SLC9A1: variants seen among roughly 807,000 people sequenced by gnomAD.
SLC9A1 encodes solute carrier family 9 member A1.
A neutral mutation model predicts 67.9 loss-of-function variants in SLC9A1; 22 were observed. That is an observed-to-expected ratio of 0.32 (90% CI 0.23 to 0.46). The LOEUF (loss-of-function observed/expected upper bound fraction) is 0.46, where lower values mean the gene tolerates loss of function less well. Among genes scored for constraint, SLC9A1 ranks in the 20% least tolerant of loss-of-function variants. The probability of loss-of-function intolerance (pLI) is 1.00; values close to 1 mark genes in which losing one functional copy is unlikely to be tolerated. For synonymous variants in SLC9A1, 421 were observed against 471.8 expected, an observed-to-expected ratio of 0.89 and a Z score of 1.40; for missense variants, 686 against 1,094.8, an observed-to-expected ratio of 0.63 and a Z score of 5.27.
At chr1:27,110,130 GATA>G (rs1333820119) in intron 2 of SLC9A1, among the ~76,000 whole-genome samples, 6 of 152,156 alleles carry the variant, frequency 3.9e-5, no homozygotes, top group Non-Finnish European at 8.8e-5. Flanking sequence ...ATAAAATGAG[GATA>G]ATAATACCAA....
Position 27,101,295 on chromosome 1 carries a change from G to A in SLC9A1, c.2038-20C>T, listed in dbSNP as rs778795073. On this transcript the variant is annotated intron_variant, in intron 10 of 11. Coordinates refer to ENST00000263980, the MANE Select transcript of SLC9A1 (RefSeq NM_003047.5). This position sits in a 1 kb window ranked among gnomAD's most constrained non-coding sequence, Gnocchi z 4.9. ...GTTGATCTGACAGAGAGGACAGACG[G>A]GGTGAGCACAGGCAGCTGGGCAGAG... 76 of 1,606,044 alleles carry A rather than the reference G, an allele frequency of 4.7e-5. No homozygotes were observed. In the Admixed American group the frequency reaches 1.0e-3, roughly 21 times the overall value.
At chr1:27,132,555 C>G (rs147650727) in intron 1 of SLC9A1, among the ~76,000 whole-genome samples, 2 of 152,256 alleles carry the variant, frequency 1.3e-5, no homozygotes, top group East Asian at 3.9e-4. Flanking sequence ...GATGCCTCTC[C>G]CCTCCTCACA....
rs1570857284 is a variant in SLC9A1, at chr1:27,114,957, A to G, written c.353-671T>C. Among the ~76,000 whole-genome samples the G allele has an allele frequency of 6.6e-6, 1 of 152,202 alleles. No homozygotes were observed. Among genetic ancestry groups the G allele is most frequent in the African/African-American group, 2.4e-5 (1 of 41,452 alleles). ...CAGGCAGCTGCTCAAGACACGGCTC[A>G]AGGATGTCAGTGGCAACCAGCTTTG... On this transcript the variant is annotated intron_variant, in intron 1 of 11. Coordinates refer to ENST00000263980, the MANE Select transcript of SLC9A1 (RefSeq NM_003047.5). This position sits in a 1 kb window ranked among gnomAD's most constrained non-coding sequence, Gnocchi z 5.4.
chr1:27,128,298 T>C (rs1414498472), intron 1 of SLC9A1, among the ~76,000 whole-genome samples: 1 of 152,176 alleles, frequency 6.6e-6, no homozygotes, highest in Admixed American at 6.5e-5. Context: ...AGAATGTCTA[T>C]GGCACAGCGT....
rs2083510590 is a variant in SLC9A1 at position 27,149,217 on chromosome 1, G to A, written c.352+4766C>T. The stretch of plus-strand genomic sequence containing the variant: ...GTGAGCTGGGCGCTTCTCAGTGCAG[G>A]GCCATGTGCATCTGCTGCGGGAATG... On this transcript the variant is annotated intron_variant, in intron 1 of 11. Coordinates refer to ENST00000263980, the MANE Select transcript of SLC9A1 (RefSeq NM_003047.5). 2.6e-5 allele frequency among the ~76,000 whole-genome samples: 4 copies of A among 151,952 alleles called. No individual in the cohort carries two copies. The South Asian group carries it at 8.3e-4, about 32-fold the overall frequency.
chr1:27,132,911 C>G (rs1340062943), intron 1 of SLC9A1, among the ~76,000 whole-genome samples: 1 of 152,188 alleles, frequency 6.6e-6, no homozygotes, highest in African/African-American at 2.4e-5. Context: ...CTGCCTGGTA[C>G]CTGGTACTGC....
At chr1:27,108,884 C>T (rs955956211) in intron 3 of SLC9A1, among the ~76,000 whole-genome samples, 1 of 152,186 alleles carries the variant, frequency 6.6e-6, no homozygotes, top group African/African-American at 2.4e-5. Flanking sequence ...TGGCATCTGC[C>T]ATTACACAGG....
intron 5 of SLC9A1, 161 bp from the exon 6 acceptor site, chr1:27,103,473 T>C (rs1318337257): frequency 7.8e-6 from 5 of 639,724 alleles, no homozygotes; most frequent in South Asian, 1.8e-5. Context: ...CTCCCAGCAC[T>C]TATCTAAAGA....
chr1:27,125,955 G>A (rs185400762), intron 1 of SLC9A1, among the ~76,000 whole-genome samples: 19 of 152,132 alleles, frequency 1.2e-4, no homozygotes, highest in African/African-American at 3.9e-4. Context: ...CCCCCTCCGC[G>A]TCTTTCCACC....
chr1:27,107,570 C>T (rs1011141076), intron 4 of SLC9A1, 78 bp downstream of exon 4: 10 of 1,097,508 alleles, frequency 9.1e-6, no homozygotes, highest in Middle Eastern at 2.8e-4. Flanking sequence ...ACACACCACA[C>T]ACACAGCACC....
At chr1:27,103,386 AC>A in intron 5 of SLC9A1, 74 bp from the exon 6 acceptor site, 2 of 1,039,476 alleles carry the variant, frequency 1.9e-6, no homozygotes, top group Non-Finnish European at 3.0e-6. Flanking sequence ...TCCCTCCCTC[AC>A]CCCAGGCCCC....
chr1:27,127,568 G>A (rs908966039), intron 1 of SLC9A1, among the ~76,000 whole-genome samples: 1 of 150,538 alleles, frequency 6.6e-6, no homozygotes, highest in African/African-American at 2.4e-5. Context: ...CCTGCAGGGA[G>A]AGAATTCCCA....
At position 27,154,266 on chromosome 1, in the gene SLC9A1, A is replaced by G. The variant is rs34306208; in HGVS notation, c.69T>C (p.Val23=). Residue 23 remains valine (V), a synonymous_variant, in exon 1 of 12, where the codon GTT becomes GTC. Coordinates refer to ENST00000263980, the MANE Select transcript of SLC9A1 (RefSeq NM_003047.5). ...HRIFPSLLVV[V]ALVGLLPVLR... ...GAACAGGCAGCAGCCCCACCAAAGC[A>G]ACCACCACGAGTAAGGAAGGGAAGA... The G allele has an allele frequency of 0.34, 550,065 of 1,612,690 alleles. 97,278 individuals are homozygous for G. The highest frequency in any genetic ancestry group is 0.37 in the Non-Finnish European group (431,918 of 1,179,274).
rs969374610 is a variant in SLC9A1, at chr1:27,101,624, G to T, written c.2037+101C>A. 4.6e-6 allele frequency: 4 copies of T among 873,836 alleles called. No homozygotes were observed. The African/African-American group carries it at 6.6e-5, about 14-fold the overall frequency. The allele number at this position is 873,836 out of a possible 1,614,324, so 54.1% of individuals were successfully genotyped here. ...TTACACTGCTAAAAGCCCCTCGAAAGCCAAACCCTGTTCCTAGAATGGGTA... is the reference window on the plus strand; with the variant it reads ...TTACACTGCTAAAAGCCCCTCGAAATCCAAACCCTGTTCCTAGAATGGGTA... On this transcript the variant is annotated intron_variant, in intron 10 of 11. Coordinates refer to ENST00000263980, the MANE Select transcript of SLC9A1 (RefSeq NM_003047.5). This position sits in a 1 kb window ranked among gnomAD's most constrained non-coding sequence, Gnocchi z 4.9.
Position 27,109,764 on chromosome 1 carries a change from A to G in SLC9A1, c.827T>C (p.Leu276Pro), listed in dbSNP as rs2083215216. 6.2e-7 allele frequency: 1 copy of G among 1,613,804 alleles called. No homozygotes were observed. The highest frequency in any genetic ancestry group is 8.5e-7 in the Non-Finnish European group (1 of 1,179,998). The part of the protein sequence containing the change: ...NDAVTVVLYH[L>P]FEEFANYEHV... The stretch of plus-strand genomic sequence containing the variant: ...TTCGTAGTTGGCAAACTCCTCAAAG[A>G]GGTGATACAGGACCTGGGGAGGGTG... The change falls in exon 3 of 12, where the codon CTC becomes CCC. Residue 276 changes from leucine to proline, a missense_variant. Around this residue, in one of 7 missense-constraint regions of SLC9A1, gnomAD observed 13 missense variants for 56.6 expected, o/e 0.23. Coordinates refer to ENST00000263980, the MANE Select transcript of SLC9A1 (RefSeq NM_003047.5). The surrounding 1 kb of genome is among the most constrained non-coding windows in gnomAD (Gnocchi z 5.5).
At position 27,114,079 on chromosome 1, in the gene SLC9A1, C is replaced by T; in HGVS notation, c.560G>A (p.Gly187Asp). The change falls in exon 2 of 12, where the codon GGC becomes GAC. Residue 187 changes from glycine to aspartate, a missense_variant. Coordinates refer to ENST00000263980, the MANE Select transcript of SLC9A1 (RefSeq NM_003047.5). The surrounding 1 kb of genome is among the most constrained non-coding windows in gnomAD (Gnocchi z 5.4). The stretch of plus-strand genomic sequence containing the variant: ...CACCACGGCAAAGATCAGGATGGTG[C>T]CCAGGTTTTCTGTGAACTGCCGCAG... ...LPLRQFTENL[G>D]TILIFAVVGT... is the part of the protein sequence containing the mutation. The T allele has an allele frequency of 1.2e-6, 2 of 1,614,138 alleles. No homozygotes were observed. Among genetic ancestry groups the T allele is most frequent in the Non-Finnish European group, 1.7e-6 (2 of 1,180,030 alleles).
chr1:27,131,947 A>AAAATATATAT, intron 1 of SLC9A1, among the ~76,000 whole-genome samples: 143 of 52,092 alleles, frequency 2.7e-3, no homozygotes, highest in Admixed American at 4.3e-3. Flanking sequence ...AGAAAAAAAA[A>AAAATATATAT]ATATATATAT....
intron 2 of SLC9A1, among the ~76,000 whole-genome samples, chr1:27,112,766 C>G (rs1325627196): frequency 2.0e-5 from 3 of 151,996 alleles, no homozygotes; most frequent in Non-Finnish European, 4.4e-5. Context: ...CGCCTGTAAT[C>G]CCAGCTACTT....
At chr1:27,141,302 G>A (rs2083451842) in intron 1 of SLC9A1, among the ~76,000 whole-genome samples, 1 of 152,234 alleles carries the variant, frequency 6.6e-6, no homozygotes, top group Non-Finnish European at 1.5e-5. Flanking sequence ...ACCCAGGTCT[G>A]TCAAGCTGCA....
Sources: allele counts gnomAD v4.1 joint callset (sites outside exome capture counted in the v4.1 genomes callset), GRCh38; gene constraint gnomAD v4.1.1; regional missense constraint gnomAD v4.1.1; non-coding constraint Gnocchi (gnomAD v3.1); transcripts MANE v1.5; gene names NCBI Gene and HGNC (gene_info 2026-07-23, HGNC 2026-07-21).